ATP2B2: variants seen among roughly 807,000 people sequenced by gnomAD.
ATP2B2 encodes the protein plasma membrane calcium-transporting ATPase 2.
In ATP2B2, 15 loss-of-function variants were observed where a neutral mutation model predicts 120.0. That is an observed-to-expected ratio of 0.12 (90% CI 0.08 to 0.19). The LOEUF (loss-of-function observed/expected upper bound fraction) is 0.19, where lower values mean the gene tolerates loss of function less well. Among genes scored for constraint, ATP2B2 ranks in the 10% least tolerant of loss-of-function variants. The probability of loss-of-function intolerance (pLI) is 1.00; values close to 1 mark genes in which losing one functional copy is unlikely to be tolerated. For missense variants in ATP2B2, 1,045 were observed against 1,719.8 expected, an observed-to-expected ratio of 0.61 and a Z score of 6.94; for synonymous variants, 694 against 700.3, an observed-to-expected ratio of 0.99 and a Z score of 0.14.
At chr3:10,530,296 T>A (rs1559442500) in intron 3 of ATP2B2, among the ~76,000 whole-genome samples, 1 of 152,158 alleles carries the variant, frequency 6.6e-6, no homozygotes, top group Non-Finnish European at 1.5e-5. Context: ...ATCGAATCCT[T>A]CCGACATCCT....
rs545328924 is a variant in ATP2B2, at chr3:10,663,161, C to G, written c.-459-43200G>C. Among the ~76,000 whole-genome samples, 18 of 151,846 alleles carry G rather than the reference C, an allele frequency of 1.2e-4. No individual in the cohort carries two copies. In the South Asian group the frequency reaches 1.3e-3, roughly 11 times the overall value. On this transcript the variant is annotated intron_variant, in intron 1 of 21. Transcript: ENST00000646379. ...AATGTAAATGACGAGTTAACGGGTG[C>G]AGCACACCAACATGGCACATGTATA...
In ATP2B2 at chr3:10,660,167, C is replaced by A. The variant is rs545808770; in HGVS notation, c.-459-40206G>T. Among the ~76,000 whole-genome samples, 3 of 152,258 alleles carry A rather than the reference C, an allele frequency of 2.0e-5. No homozygotes were observed. In the South Asian group the frequency reaches 6.2e-4, roughly 32 times the overall value. ...TCGGGAAAGATCTAAAATCAACACC[C>A]TAACATCACAATTAAAAGAACTAGA... is the stretch of plus-strand genomic sequence containing the variant. On this transcript the variant is annotated intron_variant, in intron 1 of 21. Transcript: ENST00000646379.
intron 5 of ATP2B2, among the ~76,000 whole-genome samples, chr3:10,396,404 C>T (rs934012169): frequency 6.6e-6 from 1 of 152,228 alleles, no homozygotes; most frequent in African/African-American, 2.4e-5. Context: ...CTGACCAGAG[C>T]GGAGTGTTTC....
intron 8 of ATP2B2, among the ~76,000 whole-genome samples, chr3:10,382,842 C>T (rs2061570149): frequency 6.6e-6 from 1 of 151,858 alleles, no homozygotes; most frequent in Non-Finnish European, 1.5e-5. Flanking sequence ...GAAAAATTAT[C>T]ACCCTAATTT....
At chr3:10,613,221 G>A (rs767976482) in intron 2 of ATP2B2, among the ~76,000 whole-genome samples, 20 of 152,166 alleles carry the variant, frequency 1.3e-4, no homozygotes, top group Non-Finnish European at 2.4e-4. Context: ...AAAAATGTGT[G>A]GGAGCTCTGT....
intron 2 of ATP2B2, among the ~76,000 whole-genome samples, chr3:10,442,493 A>G (rs34863): frequency 0.89 from 135,400 of 152,268 alleles, 60,442 homozygotes; most frequent in African/African-American, 0.95. Context: ...ATTAACATGT[A>G]GGTTTATTTT....
chr3:10,422,828 G>A (rs766203132), intron 2 of ATP2B2, among the ~76,000 whole-genome samples: 2 of 152,206 alleles, frequency 1.3e-5, no homozygotes, highest in Non-Finnish European at 1.5e-5. Context: ...ACACACGTGT[G>A]GACACAAGTT....
intron 1 of ATP2B2, among the ~76,000 whole-genome samples, chr3:10,495,455 T>C (rs527778321): frequency 9.2e-5 from 14 of 152,290 alleles, no homozygotes; most frequent in African/African-American, 2.9e-4. Context: ...CCAGTCGCAG[T>C]GGTGAGAGTA....
intron 2 of ATP2B2, among the ~76,000 whole-genome samples, chr3:10,437,297 C>T (rs766382518): frequency 5.9e-5 from 9 of 152,154 alleles, no homozygotes; most frequent in Non-Finnish European, 1.0e-4. Flanking sequence ...ATGATGGTCT[C>T]CACTTCCAGG....
Position 10,324,162 on chromosome 3 carries a change from C to T in ATP2B2, c.*4652G>A, listed in dbSNP as rs2059825500. On this transcript the variant is annotated 3_prime_UTR_variant, in exon 23 of 23. Coordinates refer to ENST00000360273, the MANE Select transcript of ATP2B2 (RefSeq NM_001001331.4). ...AATAAGAGCACAGTCACTTCCCAGC[C>T]CCGATTGTCCCAGAGCCCCCCAGAG... is the stretch of plus-strand genomic sequence containing the variant. The T allele has an allele frequency of 6.6e-6, 1 of 152,158 alleles. No individual in the cohort carries two copies. Among genetic ancestry groups the T allele is most frequent in the East Asian group, 1.9e-4 (1 of 5,186 alleles). 9.4% of individuals were successfully genotyped at this position (152,158 alleles called of 1,614,324 possible). A position where few individuals can be genotyped will look rare whatever the true frequency, so the allele number is the denominator to read the frequency against.
At chr3:10,668,115 G>A (rs1200038658) in intron 1 of ATP2B2, among the ~76,000 whole-genome samples, 1 of 152,234 alleles carries the variant, frequency 6.6e-6, no homozygotes, top group Non-Finnish European at 1.5e-5. Flanking sequence ...GCATTGGGGT[G>A]TGGCCTCCCA....
Position 10,350,143 on chromosome 3 carries a change from G to A in ATP2B2, c.2373C>T (p.Ser791=). 1 of 1,614,012 alleles carries A rather than the reference G, an allele frequency of 6.2e-7. No individual in the cohort carries two copies. Among genetic ancestry groups the A allele is most frequent in the Non-Finnish European group, 8.5e-7 (1 of 1,180,008 alleles). Reference sequence around the variant, plus strand: ...CCAGGGTATGCTTGTCCGTTGGGGAGGAGCGAGCCAGCACCCGCAGCTTTG... The same window carrying A: ...CCAGGGTATGCTTGTCCGTTGGGGAAGAGCGAGCCAGCACCCGCAGCTTTG... ...IWPKLRVLAR[S]SPTDKHTLVK... Residue 791 remains serine (S), a synonymous_variant, in exon 16 of 23, where the codon TCC becomes TCT. Coordinates refer to ENST00000360273, the MANE Select transcript of ATP2B2 (RefSeq NM_001001331.4).
At position 10,574,030 on chromosome 3, in the gene ATP2B2, A is replaced by C. The variant is rs143157229; in HGVS notation, c.-414-39897T>G. On this transcript the variant is annotated intron_variant, in intron 2 of 21. Coordinates refer to the ATP2B2 transcript ENST00000646379. Reference sequence around the variant, plus strand: ...ACGTTCAATTCTGCTATTTCAAAAAAATTTGTTTCCAGAGATTCTTCTTGT... The same window carrying C: ...ACGTTCAATTCTGCTATTTCAAAAACATTTGTTTCCAGAGATTCTTCTTGT... Among the ~76,000 whole-genome samples the C allele has an allele frequency of 5.9e-3, 890 of 151,084 alleles. 13 individuals are homozygous for C. The highest frequency in any genetic ancestry group is 0.021 in the African/African-American group (851 of 41,506).
chr3:10,686,265 G>A (rs1041145815), intron 1 of ATP2B2, among the ~76,000 whole-genome samples: 6 of 152,040 alleles, frequency 3.9e-5, no homozygotes, highest in Admixed American at 2.6e-4. Flanking sequence ...TCCTCAAACT[G>A]ATGTTAGTCT....
At chr3:10,338,777 G>A (rs1233186315) in intron 21 of ATP2B2, 1 of 296,354 alleles carries the variant, frequency 3.4e-6, no homozygotes. Context: ...GGCATGGTGA[G>A]AACTGGGCAC....
chr3:10,481,366 C>G (rs147259896), intron 1 of ATP2B2, among the ~76,000 whole-genome samples: 4 of 151,950 alleles, frequency 2.6e-5, no homozygotes, highest in African/African-American at 7.2e-5. Context: ...GGGCTTCTGC[C>G]TGCCCTGTTT....
intron 1 of ATP2B2, among the ~76,000 whole-genome samples, chr3:10,652,524 T>G (rs749935981): frequency 6.6e-6 from 1 of 152,164 alleles, no homozygotes; most frequent in Admixed American, 6.5e-5. Context: ...AAGTACTGTA[T>G]GTAGAGAGAC....
chr3:10,339,821 C>T (rs749537228), intron 21 of ATP2B2, among the ~76,000 whole-genome samples: 14 of 152,330 alleles, frequency 9.2e-5, no homozygotes, highest in Non-Finnish European at 1.9e-4. Flanking sequence ...TAACAAGCTG[C>T]TCCAGCCTTG....
At chr3:10,679,113 GTGAGCTTGGT>G (rs997871213) in intron 1 of ATP2B2, among the ~76,000 whole-genome samples, 7 of 152,106 alleles carry the variant, frequency 4.6e-5, no homozygotes, top group African/African-American at 1.7e-4. Context: ...CACCAACCAT[GTGAGCTTGGT>G]TAAGGACCCT....
Sources: gnomAD v4.1 joint callset for allele counts (sites outside exome capture counted in the v4.1 genomes callset) on GRCh38, gnomAD v4.1.1 for gene constraint, MANE v1.5 for transcripts, NCBI Gene and HGNC (gene_info 2026-07-23, HGNC 2026-07-21) for gene names.